The following CDH10 variants were observed in gnomAD, a reference collection of about 807,000 sequenced individuals.
The protein encoded by CDH10 is cadherin 10.
A neutral mutation model predicts 73.1 loss-of-function variants in CDH10; 30 were observed. The ratio of observed to expected loss-of-function variants is 0.41; its 90% CI spans 0.31 to 0.56. The LOEUF is 0.56. CDH10 is among the 20% of genes least tolerant of loss of function. The pLI is 0.27. For missense variants in CDH10, 815 were observed against 973.7 expected, an observed-to-expected ratio of 0.84 and a Z score of 2.17; for synonymous variants, 345 against 348.2, an observed-to-expected ratio of 0.99 and a Z score of 0.10.
intron 1 of CDH10, among the ~76,000 whole-genome samples, chr5:24,617,508 T>G (rs768294620): frequency 1.3e-4 from 20 of 152,306 alleles, no homozygotes; most frequent in Non-Finnish European, 2.6e-4. Flanking sequence ...TGAAAAAGAA[T>G]TGGCTCCTCA....
intron 1 of CDH10, among the ~76,000 whole-genome samples, chr5:24,609,388 A>C (rs1483907313): frequency 6.6e-6 from 1 of 152,182 alleles, no homozygotes; most frequent in African/African-American, 2.4e-5. Context: ...CTGTCTAGGT[A>C]AATGAGTAAG....
chr5:24,562,506 T>C (rs897641277), intron 2 of CDH10, among the ~76,000 whole-genome samples: 1 of 152,122 alleles, frequency 6.6e-6, no homozygotes, highest in Non-Finnish European at 1.5e-5. Flanking sequence ...AGGGAGAGCA[T>C]AAATTCAACT....
intron 7 of CDH10, among the ~76,000 whole-genome samples, chr5:24,507,302 A>G (rs937596311): frequency 6.6e-6 from 1 of 151,670 alleles, no homozygotes; most frequent in African/African-American, 2.4e-5. Flanking sequence ...TTAATGGCAT[A>G]CCCTCAGTCA....
intron 11 of CDH10, 112 bp from the exon 12 acceptor site, chr5:24,488,265 C>T (rs1172979177): frequency 1.1e-6 from 1 of 918,820 alleles, no homozygotes; most frequent in Non-Finnish European, 1.6e-6. Context: ...ACAGCTTAGA[C>T]TTTCAGATTA....
chr5:24,641,593 T>C, intron 1 of CDH10, among the ~76,000 whole-genome samples: 1 of 152,132 alleles, frequency 6.6e-6, no homozygotes, highest in Admixed American at 6.6e-5. Flanking sequence ...CTGTGCTAAC[T>C]TTCAGTTTTT....
At chr5:24,510,093 A>C (rs2111757164) in intron 6 of CDH10, among the ~76,000 whole-genome samples, 1 of 152,326 alleles carries the variant, frequency 6.6e-6, no homozygotes, top group East Asian at 1.9e-4. Flanking sequence ...CCTATTTTAA[A>C]GGTGGTACCA....
chr5:24,533,355 A>G, intron 5 of CDH10, among the ~76,000 whole-genome samples: 1 of 151,894 alleles, frequency 6.6e-6, no homozygotes, highest in East Asian at 1.9e-4. Flanking sequence ...AACAATAATA[A>G]TAGTCATAAT....
chr5:24,634,803 T>A (rs928048759), intron 1 of CDH10, among the ~76,000 whole-genome samples: 1 of 151,728 alleles, frequency 6.6e-6, no homozygotes, highest in Admixed American at 6.6e-5. Context: ...ATATATTAAT[T>A]ATCCCTGAGC....
intron 1 of CDH10, among the ~76,000 whole-genome samples, chr5:24,597,088 CTTTAT>C (rs1452050522): frequency 6.6e-6 from 1 of 151,982 alleles, no homozygotes; most frequent in Admixed American, 6.6e-5. Flanking sequence ...AACTACATTT[CTTTAT>C]TTTAATATCA....
At chr5:24,571,778 C>A (rs1234174369) in intron 2 of CDH10, among the ~76,000 whole-genome samples, 1 of 151,996 alleles carries the variant, frequency 6.6e-6, no homozygotes, top group African/African-American at 2.4e-5. Context: ...AGCAGGAGTC[C>A]TGACTCGTAG....
chr5:24,556,113 A>T (rs893871284), intron 2 of CDH10, among the ~76,000 whole-genome samples: 2 of 152,142 alleles, frequency 1.3e-5, no homozygotes, highest in African/African-American at 4.8e-5. Flanking sequence ...TAAGGTAAAA[A>T]TTAAACCCAC....
intron 8 of CDH10, among the ~76,000 whole-genome samples, chr5:24,501,652 T>C (rs752529898): frequency 6.6e-6 from 1 of 152,316 alleles, no homozygotes; most frequent in South Asian, 2.1e-4. Flanking sequence ...TTTAAATCAT[T>C]ATCTAGAAAT....
At chr5:24,624,751 A>G (rs1366829136) in intron 1 of CDH10, among the ~76,000 whole-genome samples, 1 of 152,180 alleles carries the variant, frequency 6.6e-6, no homozygotes, top group African/African-American at 2.4e-5. Flanking sequence ...GAAAAAGGCA[A>G]GTCTGGAATC....
intron 8 of CDH10, among the ~76,000 whole-genome samples, chr5:24,504,892 A>T (rs919634764): frequency 6.6e-6 from 1 of 152,090 alleles, no homozygotes; most frequent in African/African-American, 2.4e-5. Context: ...CAGAAATAAA[A>T]TTTTTGCATC....
chr5:24,567,443 G>T (rs1745205142), intron 2 of CDH10, among the ~76,000 whole-genome samples: 2 of 151,524 alleles, frequency 1.3e-5, no homozygotes, highest in African/African-American at 2.4e-5. Flanking sequence ...CTAATATTGT[G>T]GAAGAGCACT....
chr5:24,511,214 T>C (rs942450429), intron 6 of CDH10, 113 bp downstream of exon 6: 4 of 727,046 alleles, frequency 5.5e-6, no homozygotes, highest in Non-Finnish European at 9.4e-6. Flanking sequence ...ATAAATTACA[T>C]TGCTGGAAAA....
intron 2 of CDH10, among the ~76,000 whole-genome samples, chr5:24,556,575 A>G (rs995197035): frequency 6.6e-6 from 1 of 151,800 alleles, no homozygotes; most frequent in Non-Finnish European, 1.5e-5. Flanking sequence ...AATTAAAATC[A>G]GTTATAATGA....
At chr5:24,528,011 C>T (rs1049112987) in intron 5 of CDH10, among the ~76,000 whole-genome samples, 10 of 151,810 alleles carry the variant, frequency 6.6e-5, no homozygotes, top group Admixed American at 3.9e-4. Context: ...CAGTTCTTGG[C>T]ACATAGTAGG....
chr5:24,565,773 A>C (rs771563730), intron 2 of CDH10, among the ~76,000 whole-genome samples: 11 of 151,064 alleles, frequency 7.3e-5, no homozygotes, highest in Non-Finnish European at 1.5e-4. Flanking sequence ...ACACACACAC[A>C]CACCCACACC....
Sources: gnomAD v4.1 joint callset for allele counts (sites outside exome capture counted in the v4.1 genomes callset) on GRCh38, gnomAD v4.1.1 for gene constraint, MANE v1.5 for transcripts, NCBI Gene and HGNC (gene_info 2026-07-23, HGNC 2026-07-21) for gene names.